GRID1: variants seen among roughly 807,000 people sequenced by gnomAD.
The protein encoded by GRID1 is glutamate ionotropic receptor delta type subunit 1.
Under a neutral mutation model 98.0 loss-of-function variants are expected in GRID1, and 28 were observed. That is an observed-to-expected ratio of 0.29 (90% confidence interval 0.21 to 0.39). The LOEUF (loss-of-function observed/expected upper bound fraction) is 0.39. Among genes scored for constraint, GRID1 ranks in the 10% least tolerant of loss-of-function variants. The pLI is 1.00. For synonymous variants in GRID1, 553 were observed against 538.5 expected, an observed-to-expected ratio of 1.03 and a Z score of -0.37; for missense variants, 1,111 against 1,340.5, an observed-to-expected ratio of 0.83 and a Z score of 2.67.
At chr10:85,848,248 A>C (rs1843025501) in intron 8 of GRID1, among the ~76,000 whole-genome samples, 1 of 152,106 alleles carries the variant, frequency 6.6e-6, no homozygotes, top group South Asian at 2.1e-4. Context: ...CAGGAGCCTA[A>C]AAGAATTATT....
chr10:85,733,152 C>A (rs1205400855), intron 8 of GRID1, among the ~76,000 whole-genome samples: 1 of 152,156 alleles, frequency 6.6e-6, no homozygotes, highest in Non-Finnish European at 1.5e-5. Flanking sequence ...GAATGTTCAG[C>A]CCAATATCCA....
At chr10:86,130,772 C>T (rs914834680) in intron 4 of GRID1, among the ~76,000 whole-genome samples, 4 of 152,166 alleles carry the variant, frequency 2.6e-5, no homozygotes, top group Non-Finnish European at 5.9e-5. Flanking sequence ...ACCAAGAGGG[C>T]GCTGAGCTGG....
At chr10:85,635,375 C>T (rs577038405) in intron 13 of GRID1, among the ~76,000 whole-genome samples, 5 of 152,290 alleles carry the variant, frequency 3.3e-5, no homozygotes, top group Admixed American at 3.3e-4. Flanking sequence ...TCTAGTAAGA[C>T]TGACTCTGCC....
At chr10:85,920,202 A>T (rs1841683189) in intron 4 of GRID1, among the ~76,000 whole-genome samples, 1 of 152,062 alleles carries the variant, frequency 6.6e-6, no homozygotes, top group Non-Finnish European at 1.5e-5. Context: ...ATTTTTAATA[A>T]ATCATTGTCA....
At chr10:85,940,282 T>C (rs1300560164) in intron 4 of GRID1, among the ~76,000 whole-genome samples, 1 of 152,182 alleles carries the variant, frequency 6.6e-6, no homozygotes, top group African/African-American at 2.4e-5. Context: ...TGCTCTTATT[T>C]ACCTTCTCTG....
chr10:86,136,012 C>T (rs1267138758), intron 4 of GRID1, among the ~76,000 whole-genome samples: 2 of 152,200 alleles, frequency 1.3e-5, no homozygotes, highest in East Asian at 3.8e-4. Flanking sequence ...GCTGAGGAGA[C>T]ATTTACTCCT....
intron 3 of GRID1, among the ~76,000 whole-genome samples, chr10:86,140,462 G>A (rs1323401024): frequency 2.6e-5 from 4 of 152,262 alleles, no homozygotes; most frequent in Non-Finnish European, 5.9e-5. Context: ...CATGCAAGCT[G>A]CTGCAGGAGT....
intron 5 of GRID1, among the ~76,000 whole-genome samples, chr10:85,900,893 T>C (rs11815416): frequency 0.36 from 54,941 of 152,008 alleles, 10,875 homozygotes; most frequent in African/African-American, 0.52. Context: ...AAGATAAGGA[T>C]CACTGAAGAA....
At chr10:86,125,013 G>T (rs1844732112) in intron 4 of GRID1, among the ~76,000 whole-genome samples, 1 of 152,218 alleles carries the variant, frequency 6.6e-6, no homozygotes, top group Non-Finnish European at 1.5e-5. Flanking sequence ...AGATGAGGTT[G>T]GTCCCTCCCT....
At chr10:85,975,316 G>A (rs906969714) in intron 4 of GRID1, among the ~76,000 whole-genome samples, 2 of 152,304 alleles carry the variant, frequency 1.3e-5, no homozygotes, top group East Asian at 3.9e-4. Context: ...GGTGCAGGGT[G>A]GACAGGGCTT....
intron 2 of GRID1, among the ~76,000 whole-genome samples, chr10:86,218,690 GC>G (rs1300319872): frequency 6.6e-6 from 1 of 152,164 alleles, no homozygotes; most frequent in Non-Finnish European, 1.5e-5. Context: ...CCAGACAAGT[GC>G]CTCCTCCTCT....
chr10:85,742,140 C>A (rs3011697), intron 8 of GRID1, among the ~76,000 whole-genome samples: 90,325 of 152,150 alleles, frequency 0.59, 28,257 homozygotes, highest in African/African-American at 0.8. Context: ...TCACCAGCAT[C>A]CACTAAACAT....
intron 3 of GRID1, among the ~76,000 whole-genome samples, chr10:86,140,629 G>C (rs1554855435): frequency 6.6e-6 from 1 of 152,110 alleles, no homozygotes; most frequent in Non-Finnish European, 1.5e-5. Flanking sequence ...CTGTGCACAG[G>C]GCCCCCCTTA....
intron 4 of GRID1, among the ~76,000 whole-genome samples, chr10:86,044,809 C>T (rs1011897889): frequency 1.3e-5 from 2 of 151,786 alleles, no homozygotes; most frequent in African/African-American, 4.8e-5. Context: ...CTTGGTGGCT[C>T]GTTTTGCAGG....
chr10:86,126,075 C>A (rs1192262582), intron 4 of GRID1, among the ~76,000 whole-genome samples: 2 of 148,962 alleles, frequency 1.3e-5, no homozygotes, highest in Admixed American at 6.6e-5. Flanking sequence ...AGGGAGACCC[C>A]TAAGGCAGGT....
At chr10:86,023,773 A>ATC (rs1225602855) in intron 4 of GRID1, among the ~76,000 whole-genome samples, 1 of 152,062 alleles carries the variant, frequency 6.6e-6, no homozygotes, top group Non-Finnish European at 1.5e-5. Context: ...TCCGCCTTAT[A>ATC]TCTCATTGGT....
intron 12 of GRID1, among the ~76,000 whole-genome samples, chr10:85,678,599 T>C (rs552147826): frequency 5.9e-5 from 9 of 152,140 alleles, no homozygotes; most frequent in Non-Finnish European, 7.4e-5. Flanking sequence ...GTCTCAACAT[T>C]ATTTTCATTT....
At chr10:86,118,852 A>G (rs926479127) in intron 4 of GRID1, among the ~76,000 whole-genome samples, 3 of 152,216 alleles carry the variant, frequency 2.0e-5, no homozygotes, top group Non-Finnish European at 4.4e-5. Context: ...GATAAATCCC[A>G]GTTGAGGGGA....
At position 85,743,156 on chromosome 10, in the gene GRID1, G is replaced by A. The variant is rs376787080; in HGVS notation, c.1234-13542C>T. Among the ~76,000 whole-genome samples the A allele has an allele frequency of 3.4e-3, 422 of 125,644 alleles. 2 individuals carry two copies. Among genetic ancestry groups the A allele is most frequent in the African/African-American group, 0.012 (402 of 33,220 alleles). 82.4% of individuals were successfully genotyped at this position (125,644 alleles called of 152,430 possible). On this transcript the variant is annotated intron_variant, in intron 8 of 15. Coordinates refer to ENST00000327946, the MANE Select transcript of GRID1 (RefSeq NM_017551.3). ...ACCAATTATCTAGGAGAATCCAGCT[G>A]CCCGCAAAAAGTACAGTAACCCTGA...
Sources: gnomAD v4.1 joint callset for allele counts (sites outside exome capture counted in the v4.1 genomes callset) on GRCh38, gnomAD v4.1.1 for gene constraint, MANE v1.5 for transcripts, NCBI Gene and HGNC (gene_info 2026-07-23, HGNC 2026-07-21) for gene names.